The following PDE7B variants were observed in gnomAD, a reference collection of about 807,000 sequenced individuals.
The protein encoded by PDE7B is 3',5'-cyclic-AMP phosphodiesterase 7B.
PDE7B carries 29 observed loss-of-function variants against 56.2 expected under a neutral mutation model. The observed-to-expected ratio is 0.52, with a 90% CI of 0.38 to 0.70. PDE7B has a LOEUF of 0.70. Among genes scored for constraint, PDE7B ranks in the 30% least tolerant of loss-of-function variants. PDE7B has a pLI of 0.00. For missense variants in PDE7B, 490 were observed against 565.0 expected, an observed-to-expected ratio of 0.87 and a Z score of 1.35; for synonymous variants, 197 against 196.9, an observed-to-expected ratio of 1.00 and a Z score of 0.00.
chr6:136,152,584 T>C (rs992888719), intron 6 of PDE7B, among the ~76,000 whole-genome samples: 1 of 152,210 alleles, frequency 6.6e-6, no homozygotes, highest in African/African-American at 2.4e-5. Flanking sequence ...AACTCCATCA[T>C]TACTCTGTAT....
At chr6:135,983,679 C>T (rs1775332518) in intron 2 of PDE7B, among the ~76,000 whole-genome samples, 1 of 152,148 alleles carries the variant, frequency 6.6e-6, no homozygotes, top group Non-Finnish European at 1.5e-5. Context: ...CCCCCAGTAT[C>T]CTATAGGCAT....
At chr6:136,158,248 A>G (rs569149366) in intron 8 of PDE7B, among the ~76,000 whole-genome samples, 7 of 152,232 alleles carry the variant, frequency 4.6e-5, no homozygotes, top group Non-Finnish European at 7.3e-5. Context: ...GTTTGCATGC[A>G]CATTTTCCTA....
chr6:136,088,694 G>A (rs956619545), intron 2 of PDE7B, among the ~76,000 whole-genome samples: 5 of 152,164 alleles, frequency 3.3e-5, no homozygotes, highest in Non-Finnish European at 7.3e-5. Flanking sequence ...GGATAGGAAA[G>A]TGACAACTGA....
chr6:136,044,996 C>G (rs1350901261), intron 2 of PDE7B: 1 of 137,950 alleles, frequency 7.2e-6, no homozygotes, highest in African/African-American at 2.6e-5. Flanking sequence ...ACTTTTGCAT[C>G]AGACCAATTC....
intron 2 of PDE7B, among the ~76,000 whole-genome samples, chr6:135,990,577 G>T (rs1224621577): frequency 6.6e-6 from 1 of 152,202 alleles, no homozygotes; most frequent in Non-Finnish European, 1.5e-5. Context: ...TGCTAGCCAG[G>T]AGTTGAAGTT....
chr6:135,865,257 C>T (rs911414906), intron 1 of PDE7B, among the ~76,000 whole-genome samples: 6 of 152,116 alleles, frequency 3.9e-5, no homozygotes, highest in African/African-American at 1.4e-4. Context: ...ACTCCCATTA[C>T]TTACCTTCAA....
At chr6:136,165,084 CTGAA>C (rs757896194) in intron 8 of PDE7B, among the ~76,000 whole-genome samples, 81 of 152,282 alleles carry the variant, frequency 5.3e-4, no homozygotes, top group Non-Finnish European at 8.7e-4. Context: ...TCAAAATTCA[CTGAA>C]TGAGCAGACC....
chr6:136,085,701 A>C (rs986620643), intron 2 of PDE7B, among the ~76,000 whole-genome samples: 7 of 152,192 alleles, frequency 4.6e-5, no homozygotes, highest in African/African-American at 1.7e-4. Context: ...AAAAGTCAAT[A>C]CTGAAAAGTG....
At chr6:136,153,799 T>C (rs1778562329) in intron 6 of PDE7B, among the ~76,000 whole-genome samples, 1 of 152,118 alleles carries the variant, frequency 6.6e-6, no homozygotes. Context: ...CCTTTATGAA[T>C]GTCAGAAAGG....
chr6:135,926,263 AT>A (rs1300587879), intron 1 of PDE7B, among the ~76,000 whole-genome samples: 2 of 151,862 alleles, frequency 1.3e-5, no homozygotes, highest in Middle Eastern at 3.4e-3. Context: ...ATTTTTTTGT[AT>A]TTTTGGTAGA....
At chr6:136,151,497 CA>C (rs2128447315) in intron 6 of PDE7B, among the ~76,000 whole-genome samples, 1 of 152,108 alleles carries the variant, frequency 6.6e-6, no homozygotes, top group Non-Finnish European at 1.5e-5. Flanking sequence ...CCTGTGTAGT[CA>C]AAAAATCTGT....
rs192090773 is a variant in PDE7B at position 135,887,446 on chromosome 6, A to G, written c.21+35427A>G. On this transcript the variant is annotated intron_variant, in intron 1 of 12. Coordinates refer to ENST00000308191, the MANE Select transcript of PDE7B (RefSeq NM_018945.4). Reference sequence around the variant, plus strand: ...CCTAACCTGTAACCCTACCAGAAAAATAATTAAGAGAATATGAAAGGATCT... The same window carrying G: ...CCTAACCTGTAACCCTACCAGAAAAGTAATTAAGAGAATATGAAAGGATCT... Among the ~76,000 whole-genome samples, 261 of 152,296 alleles carry G rather than the reference A, an allele frequency of 1.7e-3. 1 individual carries two copies. Among genetic ancestry groups the G allele is most frequent in the African/African-American group, 5.8e-3 (240 of 41,586 alleles).
chr6:135,940,773 G>A (rs1774494758), intron 1 of PDE7B, among the ~76,000 whole-genome samples: 1 of 152,202 alleles, frequency 6.6e-6, no homozygotes, highest in Non-Finnish European at 1.5e-5. Flanking sequence ...ATCTATGGCA[G>A]TGCTTACTGG....
chr6:135,906,832 T>TTTTTTTTTTTTTTTG (rs1257351941), intron 1 of PDE7B, among the ~76,000 whole-genome samples: 1 of 144,008 alleles, frequency 6.9e-6, no homozygotes, highest in African/African-American at 2.7e-5. Flanking sequence ...TTTTTTTTTT[T>TTTTTTTTTTTTTTTG]TTTTAATCCT....
chr6:135,892,588 G>A (rs1282781077), intron 1 of PDE7B, among the ~76,000 whole-genome samples: 2 of 151,970 alleles, frequency 1.3e-5, no homozygotes, highest in Non-Finnish European at 2.9e-5. Flanking sequence ...ACATAGTATC[G>A]GGTAATAGGA....
chr6:135,905,772 C>T (rs1776088803), intron 1 of PDE7B, among the ~76,000 whole-genome samples: 1 of 152,076 alleles, frequency 6.6e-6, no homozygotes, highest in Non-Finnish European at 1.5e-5. Context: ...AAACGCACTA[C>T]GCAAAAGCCA....
intron 7 of PDE7B, 103 bp downstream of exon 7, chr6:136,154,278 C>A: frequency 3.1e-6 from 2 of 639,664 alleles, no homozygotes; most frequent in South Asian, 3.8e-5. Context: ...TGTTATGTGT[C>A]ATTAACAATG....
At chr6:135,939,839 T>G (rs1307319461) in intron 1 of PDE7B, among the ~76,000 whole-genome samples, 1 of 152,180 alleles carries the variant, frequency 6.6e-6, no homozygotes, top group Non-Finnish European at 1.5e-5. Flanking sequence ...CACTTCAGCT[T>G]GGTATCCTCT....
chr6:135,917,970 A>G (rs971437604), intron 1 of PDE7B, among the ~76,000 whole-genome samples: 1 of 151,890 alleles, frequency 6.6e-6, no homozygotes, highest in Non-Finnish European at 1.5e-5. Context: ...TCTTCATTTC[A>G]CTCACAGCTC....
Sources: allele counts gnomAD v4.1 joint callset (sites outside exome capture counted in the v4.1 genomes callset), GRCh38; gene constraint gnomAD v4.1.1; transcripts MANE v1.5; gene names NCBI Gene and HGNC (gene_info 2026-07-23, HGNC 2026-07-21).